Variants in NLGN1 observed in about 807,000 individuals in gnomAD.
NLGN1 encodes neuroligin-1.
NLGN1 carries 12 observed loss-of-function variants against 65.5 expected under a neutral mutation model. That is an observed-to-expected ratio of 0.18 (90% CI 0.12 to 0.30). The LOEUF is 0.30. NLGN1 is among the 10% of genes least tolerant of loss of function. NLGN1 has a pLI of 1.00. For synonymous variants in NLGN1, 350 were observed against 359.5 expected, an observed-to-expected ratio of 0.97 and a Z score of 0.30; for missense variants, 750 against 1,007.1, an observed-to-expected ratio of 0.74 and a Z score of 3.46.
At chr3:174,181,919 G>A (rs1730497053) in intron 4 of NLGN1, among the ~76,000 whole-genome samples, 1 of 144,290 alleles carries the variant, frequency 6.9e-6, no homozygotes, top group East Asian at 2.1e-4. Context: ...CAAGGCTGCA[G>A]TGAGCCATGA....
intron 3 of NLGN1, among the ~76,000 whole-genome samples, chr3:173,733,934 A>C (rs369436794): frequency 6.6e-6 from 1 of 152,248 alleles, no homozygotes; most frequent in South Asian, 2.1e-4. Context: ...CTAGTGAATG[A>C]GCATAAAACC....
chr3:173,476,194 T>C (rs910673671), intron 2 of NLGN1, among the ~76,000 whole-genome samples: 2 of 152,214 alleles, frequency 1.3e-5, no homozygotes, highest in Non-Finnish European at 2.9e-5. Flanking sequence ...GAGTGCTGCC[T>C]GAGTGGGGAC....
intron 4 of NLGN1, among the ~76,000 whole-genome samples, chr3:174,272,658 GA>G (rs1749633016): frequency 1.0e-5 from 1 of 96,688 alleles, no homozygotes; most frequent in Non-Finnish European, 2.3e-5. Context: ...TGGATGGATG[GA>G]TGGATGGATA....
chr3:173,440,992 A>C (rs568749249), intron 2 of NLGN1, among the ~76,000 whole-genome samples: 2 of 152,170 alleles, frequency 1.3e-5, no homozygotes, highest in Non-Finnish European at 2.9e-5. Flanking sequence ...GATCTTCCGG[A>C]TAAATGGTGC....
chr3:174,178,317 G>C (rs1203280504), intron 4 of NLGN1, among the ~76,000 whole-genome samples: 3 of 152,070 alleles, frequency 2.0e-5, no homozygotes, highest in Non-Finnish European at 1.5e-5. Context: ...CAATAGACCT[G>C]TTCCAACATC....
intron 4 of NLGN1, among the ~76,000 whole-genome samples, chr3:174,150,615 G>A (rs543808442): frequency 3.3e-5 from 5 of 152,112 alleles, no homozygotes; most frequent in South Asian, 2.1e-4. Flanking sequence ...CAGCATAATC[G>A]AATAAGAAAC....
At chr3:174,112,173 C>T (rs1311997717) in intron 4 of NLGN1, among the ~76,000 whole-genome samples, 2 of 151,808 alleles carry the variant, frequency 1.3e-5, no homozygotes, top group Non-Finnish European at 3.0e-5. Flanking sequence ...TAGAAAGATG[C>T]CTGAGTATAA....
chr3:173,965,813 A>C (rs6810160), intron 4 of NLGN1, among the ~76,000 whole-genome samples: 1,701 of 152,278 alleles, frequency 0.011, 32 homozygotes, highest in African/African-American at 0.04. Context: ...GCTAAGAGCT[A>C]AACAGCTAAA....
At chr3:173,755,195 GA>G (rs1238300210) in intron 3 of NLGN1, among the ~76,000 whole-genome samples, 1 of 151,902 alleles carries the variant, frequency 6.6e-6, no homozygotes, top group Non-Finnish European at 1.5e-5. Flanking sequence ...ACAAAAATTA[GA>G]GCAAAACTGT....
At chr3:173,743,684 A>G (rs1280644039) in intron 3 of NLGN1, among the ~76,000 whole-genome samples, 2 of 152,148 alleles carry the variant, frequency 1.3e-5, no homozygotes, top group Non-Finnish European at 2.9e-5. Context: ...GGATGAAATA[A>G]CAGTAGCAGC....
chr3:173,720,821 G>A (rs1007410868), intron 3 of NLGN1, among the ~76,000 whole-genome samples: 4 of 152,296 alleles, frequency 2.6e-5, no homozygotes, highest in East Asian at 3.9e-4. Context: ...AAACAAGAAC[G>A]TGATACCTGC....
chr3:173,609,040 T>C (rs1268362198), intron 3 of NLGN1, among the ~76,000 whole-genome samples: 5 of 151,998 alleles, frequency 3.3e-5, no homozygotes. Flanking sequence ...AGTTTCCCTC[T>C]GTTTCTTTAG....
chr3:173,755,084 A>G lies in NLGN1; in HGVS notation c.494-52596A>G, dbSNP rs532801504. On this transcript the variant is annotated intron_variant, in intron 3 of 6. Coordinates refer to ENST00000457714, the Ensembl canonical transcript of NLGN1. ...AACATCATTTGAAACATTCCCTGAC[A>G]ATATTTTTCTTAGAAAAGCTTTAAA... 3.9e-5 allele frequency among the ~76,000 whole-genome samples: 6 copies of G among 152,242 alleles called. No homozygotes were observed. The South Asian group carries it at 1.0e-3, about 26-fold the overall frequency.
chr3:173,744,304 C>T (rs545007042), intron 3 of NLGN1, among the ~76,000 whole-genome samples: 73 of 152,228 alleles, frequency 4.8e-4, no homozygotes, highest in African/African-American at 1.7e-3. Context: ...TCCTTTTCTT[C>T]CTCTTCCTTT....
At chr3:173,724,267 T>C (rs1197538154) in intron 3 of NLGN1, among the ~76,000 whole-genome samples, 1 of 152,194 alleles carries the variant, frequency 6.6e-6, no homozygotes, top group Non-Finnish European at 1.5e-5. Flanking sequence ...TGTTTCTCCA[T>C]TTTTCACTAC....
intron 2 of NLGN1, chr3:173,584,638 G>A (rs560030017): frequency 2.6e-5 from 4 of 151,924 alleles, no homozygotes; most frequent in East Asian, 1.9e-4. Context: ...AAGAAGTAAC[G>A]TTGTTTGATC....
At chr3:173,792,162 A>G (rs1712931001) in intron 3 of NLGN1, among the ~76,000 whole-genome samples, 1 of 152,110 alleles carries the variant, frequency 6.6e-6, no homozygotes, top group African/African-American at 2.4e-5. Flanking sequence ...TTTAGCAAGG[A>G]GAGGCATGTG....
chr3:173,696,109 G>T (rs534919910), intron 3 of NLGN1, among the ~76,000 whole-genome samples: 4 of 152,246 alleles, frequency 2.6e-5, no homozygotes, highest in Non-Finnish European at 4.4e-5. Context: ...ACTGAGCCTG[G>T]CCTTATTTAT....
chr3:174,160,669 T>A (rs1726317959), intron 4 of NLGN1, among the ~76,000 whole-genome samples: 1 of 150,430 alleles, frequency 6.6e-6, no homozygotes, highest in Non-Finnish European at 1.5e-5. Context: ...ATATAATATA[T>A]AGGAATATAT....
Sources: allele counts gnomAD v4.1 joint callset (sites outside exome capture counted in the v4.1 genomes callset), GRCh38; gene constraint gnomAD v4.1.1; transcripts MANE v1.5; gene names NCBI Gene and HGNC (gene_info 2026-07-23, HGNC 2026-07-21).